The following PDZRN4 variants were observed in gnomAD, a reference collection of about 807,000 sequenced individuals.
PDZRN4 encodes PDZ domain containing ring finger 4, also known as PDZ domain-containing RING finger protein 4.
PDZRN4 carries 70 observed loss-of-function variants against 99.0 expected under a neutral mutation model. The ratio of observed to expected loss-of-function variants is 0.71; its 90% CI spans 0.58 to 0.86. The LOEUF is 0.86. Ranked by LOEUF, PDZRN4 falls within the 40% of genes least tolerant of loss-of-function variation. The pLI is 0.00. For missense variants in PDZRN4, 1,474 were observed against 1,331.2 expected, an observed-to-expected ratio of 1.11 and a Z score of -1.67; for synonymous variants, 551 against 501.6, an observed-to-expected ratio of 1.10 and a Z score of -1.32.
chr12:41,188,417 G>T lies in PDZRN4; in HGVS notation c.-39G>T, dbSNP rs1950707656. 1 of 1,502,778 alleles carries T rather than the reference G, an allele frequency of 6.7e-7. No individual in the cohort carries two copies. The highest frequency in any genetic ancestry group is 8.9e-7 in the Non-Finnish European group (1 of 1,129,608). 93.1% of individuals were successfully genotyped at this position (1,502,778 alleles called of 1,614,324 possible). A position where few individuals can be genotyped will look rare whatever the true frequency, so the allele number is the denominator to read the frequency against. ...AAGGCAGGGGGGCTCGGAGAAGACG[G>T]ACTCTGCTTTCGCTCCCCCTTTCTT... On this transcript the variant is annotated 5_prime_UTR_variant, in exon 1 of 10. Coordinates refer to ENST00000402685, the MANE Select transcript of PDZRN4 (RefSeq NM_001164595.2).
chr12:41,303,224 T>C (rs1951548660), intron 3 of PDZRN4, among the ~76,000 whole-genome samples: 1 of 152,128 alleles, frequency 6.6e-6, no homozygotes, highest in Non-Finnish European at 1.5e-5. Context: ...GGCCAGTAAA[T>C]CAGTAAAACC....
intron 3 of PDZRN4, among the ~76,000 whole-genome samples, chr12:41,468,073 C>T (rs1406154959): frequency 1.3e-5 from 2 of 152,136 alleles, no homozygotes; most frequent in Admixed American, 1.3e-4. Context: ...CATTTCTCCT[C>T]AAATGAAACA....
intron 5 of PDZRN4, among the ~76,000 whole-genome samples, chr12:41,543,255 A>C (rs945907207): frequency 1.3e-5 from 2 of 152,206 alleles, no homozygotes; most frequent in African/African-American, 2.4e-5. Context: ...CTCCGTCTAT[A>C]GACAATGATC....
chr12:41,559,701 C>G (rs1278701977), intron 7 of PDZRN4, among the ~76,000 whole-genome samples: 1 of 152,110 alleles, frequency 6.6e-6, no homozygotes, highest in African/African-American at 2.4e-5. Flanking sequence ...TACACATAAA[C>G]TCGTTGATAT....
intron 3 of PDZRN4, among the ~76,000 whole-genome samples, chr12:41,382,494 C>T (rs1261676495): frequency 6.6e-6 from 1 of 152,188 alleles, no homozygotes; most frequent in South Asian, 2.1e-4. Flanking sequence ...TTATTAAAGG[C>T]AAGTTCATAT....
Position 41,424,758 on chromosome 12 carries a change from T to C in PDZRN4, c.844-81698T>C, listed in dbSNP as rs965362477. On this transcript the variant is annotated intron_variant, in intron 3 of 9. Transcript: ENST00000402685. ...CTCCTCTGAGTGACTTTTCTCCAGA[T>C]AGTGAGTCAGGGATCTATTTCCACT... Among the ~76,000 whole-genome samples, 12 of 152,306 alleles carry C rather than the reference T, an allele frequency of 7.9e-5. No individual in the cohort carries two copies. In the South Asian group the frequency reaches 1.2e-3, roughly 16 times the overall value.
rs778392423 is a variant in PDZRN4, at chr12:41,573,887, A to G, written c.3108A>G (p.Val1036=). 3.9e-6 allele frequency: 6 copies of G among 1,542,664 alleles called. No individual in the cohort carries two copies. The highest frequency in any genetic ancestry group is 2.3e-5 in the East Asian group (1 of 44,428). The change falls in exon 10 of 10, where the codon GTA becomes GTG. Residue 1036 remains valine (V), a synonymous_variant. Coordinates refer to ENST00000402685, the MANE Select transcript of PDZRN4 (RefSeq NM_001164595.2). Reference sequence around the variant, plus strand: ...ATGCCTTCTTGTCGGTGACCACTGTATGACCGAATGAATGGAATGCATGCG... The same window carrying G: ...ATGCCTTCTTGTCGGTGACCACTGTGTGACCGAATGAATGGAATGCATGCG... ...VHNAFLSVTT[V] is the part of the protein sequence containing the mutation.
At chr12:41,422,780 A>G (rs61067290) in intron 3 of PDZRN4, among the ~76,000 whole-genome samples, 4,529 of 152,252 alleles carry the variant, frequency 0.03, 218 homozygotes, top group African/African-American at 0.1. Flanking sequence ...ACAGAGCCAA[A>G]CCATATCAAA....
At chr12:41,482,245 T>A (rs1403308178) in intron 3 of PDZRN4, among the ~76,000 whole-genome samples, 2 of 152,126 alleles carry the variant, frequency 1.3e-5, no homozygotes, top group Non-Finnish European at 2.9e-5. Context: ...TTCCTTGTCA[T>A]CTCTCTCTGA....
intron 3 of PDZRN4, among the ~76,000 whole-genome samples, chr12:41,360,395 C>A (rs533147133): frequency 1.3e-5 from 2 of 152,156 alleles, no homozygotes; most frequent in South Asian, 4.1e-4. Flanking sequence ...GGACACAAGT[C>A]TCCATCTCTC....
intron 3 of PDZRN4, among the ~76,000 whole-genome samples, chr12:41,258,013 A>C (rs1023857851): frequency 2.3e-4 from 35 of 152,338 alleles, no homozygotes; most frequent in African/African-American, 8.2e-4. Flanking sequence ...AAGTGAAGAA[A>C]CAGTACCAGA....
At chr12:41,261,068 C>T (rs1951235876) in intron 3 of PDZRN4, among the ~76,000 whole-genome samples, 1 of 152,082 alleles carries the variant, frequency 6.6e-6, no homozygotes. Flanking sequence ...TATGTTGCCT[C>T]ATAAATTCCA....
At chr12:41,562,893 G>A (rs1939296722) in intron 7 of PDZRN4, among the ~76,000 whole-genome samples, 1 of 152,052 alleles carries the variant, frequency 6.6e-6, no homozygotes, top group Admixed American at 6.6e-5. Context: ...TTTAAGAGAT[G>A]AGTCTGAAGA....
chr12:41,286,336 C>CTTTTTTTTTTTTTTTTTTT (rs71081721), intron 3 of PDZRN4, among the ~76,000 whole-genome samples: 604 of 106,210 alleles, frequency 5.7e-3, no homozygotes, highest in Middle Eastern at 0.011. Context: ...CCTTCTTCTT[C>CTTTTTTTTTTTTTTTTTTT]TTTTTTTTTT....
At chr12:41,249,438 A>T (rs905083468) in intron 3 of PDZRN4, among the ~76,000 whole-genome samples, 14 of 152,156 alleles carry the variant, frequency 9.2e-5, no homozygotes, top group African/African-American at 3.4e-4. Context: ...CTTGCACACC[A>T]TTTGGATGCC....
At chr12:41,351,520 A>G (rs746991483) in intron 3 of PDZRN4, among the ~76,000 whole-genome samples, 1 of 152,044 alleles carries the variant, frequency 6.6e-6, no homozygotes, top group Non-Finnish European at 1.5e-5. Flanking sequence ...GCCTCAGGAA[A>G]CTTATAATCA....
chr12:41,355,303 G>A (rs1951919145), intron 3 of PDZRN4, among the ~76,000 whole-genome samples: 1 of 151,992 alleles, frequency 6.6e-6, no homozygotes, highest in South Asian at 2.1e-4. Context: ...TACGAGTGGG[G>A]CGGTGATGAC....
chr12:41,542,713 A>G (rs914583305), intron 5 of PDZRN4, among the ~76,000 whole-genome samples: 13 of 152,210 alleles, frequency 8.5e-5, no homozygotes, highest in Non-Finnish European at 1.6e-4. Flanking sequence ...AAATTGTCAG[A>G]TGAATGTGGG....
chr12:41,238,817 T>C (rs1427279440), intron 3 of PDZRN4, among the ~76,000 whole-genome samples: 1 of 152,140 alleles, frequency 6.6e-6, no homozygotes, highest in African/African-American at 2.4e-5. Flanking sequence ...AAACAACAGA[T>C]GCTGGCGAGG....
Sources: allele counts gnomAD v4.1 joint callset (sites outside exome capture counted in the v4.1 genomes callset), GRCh38; gene constraint gnomAD v4.1.1; transcripts MANE v1.5; gene names NCBI Gene and HGNC (gene_info 2026-07-23, HGNC 2026-07-21).